BMPR1B: variants seen among roughly 807,000 people sequenced by gnomAD.
BMPR1B encodes bone morphogenetic protein receptor type 1B, also known as bone morphogenetic protein receptor type-1B.
In BMPR1B, 12 loss-of-function variants were observed where a neutral mutation model predicts 59.1. The observed-to-expected ratio is 0.20, with a 90% CI of 0.13 to 0.33. The LOEUF is 0.33. Among genes scored for constraint, BMPR1B ranks in the 10% least tolerant of loss-of-function variants. The pLI is 1.00. For synonymous variants in BMPR1B, 237 were observed against 207.3 expected (o/e 1.14, Z -1.23); for missense variants, 550 against 610.9 (o/e 0.90, Z 1.05).
At chr4:94,878,528 G>T (rs1003724454) in intron 2 of BMPR1B, among the ~76,000 whole-genome samples, 3 of 152,124 alleles carry the variant, frequency 2.0e-5, no homozygotes, top group African/African-American at 7.2e-5. Flanking sequence ...GGTAAACTAG[G>T]CTCCTCCTCA....
chr4:94,924,808 C>T (rs1055588648), intron 2 of BMPR1B, among the ~76,000 whole-genome samples: 1 of 152,060 alleles, frequency 6.6e-6, no homozygotes, highest in African/African-American at 2.4e-5. Context: ...ATTTGTTGAA[C>T]CACTGAATCA....
intron 1 of BMPR1B, among the ~76,000 whole-genome samples, chr4:94,799,022 G>A (rs78786197): frequency 0.011 from 1,679 of 151,594 alleles, 31 homozygotes; most frequent in African/African-American, 0.038. Context: ...GAGAATCCCA[G>A]GAGTGCGTTA....
chr4:94,809,852 A>G (rs1181907521), intron 1 of BMPR1B, among the ~76,000 whole-genome samples: 2 of 152,250 alleles, frequency 1.3e-5, no homozygotes, highest in Admixed American at 1.3e-4. Context: ...AGGCAAAAGT[A>G]GTAGAGTCCA....
intron 2 of BMPR1B, among the ~76,000 whole-genome samples, chr4:94,959,637 T>C (rs1057406107): frequency 1.3e-5 from 2 of 152,184 alleles, no homozygotes; most frequent in African/African-American, 2.4e-5. Flanking sequence ...AAATGTAATA[T>C]AAAATTTCAT....
chr4:95,140,007 G>T (rs552043874), intron 10 of BMPR1B, among the ~76,000 whole-genome samples: 1 of 152,296 alleles, frequency 6.6e-6, no homozygotes, highest in African/African-American at 2.4e-5. Context: ...CTCATCTTCT[G>T]CGTCGCTCAT....
At chr4:94,975,006 G>A (rs1578869904) in intron 2 of BMPR1B, among the ~76,000 whole-genome samples, 1 of 152,162 alleles carries the variant, frequency 6.6e-6, no homozygotes. Flanking sequence ...ATATAGCCAG[G>A]AAACCACTTC....
intron 3 of BMPR1B, among the ~76,000 whole-genome samples, chr4:95,003,553 A>G (rs1722602471): frequency 1.3e-5 from 2 of 152,162 alleles, no homozygotes; most frequent in Admixed American, 1.3e-4. Context: ...AGACCAAATA[A>G]TATAATCTGT....
At chr4:94,773,681 T>TA (rs1301370862) in intron 1 of BMPR1B, among the ~76,000 whole-genome samples, 5 of 152,056 alleles carry the variant, frequency 3.3e-5, no homozygotes, top group Non-Finnish European at 7.4e-5. Flanking sequence ...TTACCAGAGA[T>TA]AAAAAATACG....
At chr4:94,802,885 T>C (rs571996511) in intron 1 of BMPR1B, among the ~76,000 whole-genome samples, 1 of 152,316 alleles carries the variant, frequency 6.6e-6, no homozygotes, top group Admixed American at 6.5e-5. Context: ...AGTTATCTCA[T>C]GCTTTTTTGT....
At chr4:95,137,021 C>A (rs950637112) in intron 10 of BMPR1B, among the ~76,000 whole-genome samples, 1 of 152,144 alleles carries the variant, frequency 6.6e-6, no homozygotes, top group African/African-American at 2.4e-5. Context: ...AGTTTTAGAT[C>A]TTTCCTGCTT....
intron 1 of BMPR1B, among the ~76,000 whole-genome samples, chr4:94,764,493 C>T (rs1721894966): frequency 6.6e-6 from 1 of 152,118 alleles, no homozygotes; most frequent in Non-Finnish European, 1.5e-5. Flanking sequence ...CCACTACTGC[C>T]CACACCCTGT....
chr4:94,897,941 CTTTTT>C (rs869186341), intron 2 of BMPR1B, among the ~76,000 whole-genome samples: 4 of 90,330 alleles, frequency 4.4e-5, no homozygotes, highest in African/African-American at 1.3e-4. Context: ...AATTCTTTTC[CTTTTT>C]TTTTTTTTTT....
chr4:95,044,443 A>C (rs1027197244), intron 3 of BMPR1B, among the ~76,000 whole-genome samples: 3 of 152,154 alleles, frequency 2.0e-5, no homozygotes, highest in Non-Finnish European at 4.4e-5. Flanking sequence ...GTGAATACTT[A>C]AAGAAGGTCA....
chr4:94,968,783 A>T (rs542507130), intron 2 of BMPR1B, among the ~76,000 whole-genome samples: 1 of 152,170 alleles, frequency 6.6e-6, no homozygotes, highest in East Asian at 1.9e-4. Flanking sequence ...TTACACTCTT[A>T]TTTTGTGTTC....
At chr4:94,845,636 C>T (rs533115028) in intron 1 of BMPR1B, among the ~76,000 whole-genome samples, 1 of 152,330 alleles carries the variant, frequency 6.6e-6, no homozygotes, top group African/African-American at 2.4e-5. Context: ...GCCATCGTGC[C>T]TGGCCAACCA....
chr4:95,147,030 A>G lies in BMPR1B; in HGVS notation c.1077-1718A>G, dbSNP rs3796449. Reference sequence around the variant, plus strand: ...AAAAGATCCCAGAACACTGGGACCTATGTTTGCATATGGTAAAGAATACCA... The same window carrying G: ...AAAAGATCCCAGAACACTGGGACCTGTGTTTGCATATGGTAAAGAATACCA... On this transcript the variant is annotated intron_variant, in intron 10 of 12. Transcript: ENST00000515059. Among the ~76,000 whole-genome samples the G allele has an allele frequency of 1.9e-3, 292 of 152,190 alleles. 4 individuals carry two copies. In the East Asian group the frequency reaches 0.036, roughly 19 times the overall value.
chr4:95,007,692 T>G (rs548229178), intron 3 of BMPR1B, among the ~76,000 whole-genome samples: 4 of 152,324 alleles, frequency 2.6e-5, no homozygotes, highest in Non-Finnish European at 5.9e-5. Context: ...AGAATATGCA[T>G]TTTATACACA....
intron 3 of BMPR1B, among the ~76,000 whole-genome samples, chr4:95,086,509 G>A (rs1729588442): frequency 6.6e-6 from 1 of 152,140 alleles, no homozygotes; most frequent in Admixed American, 6.5e-5. Flanking sequence ...ACTTACATGT[G>A]TTGATATTGA....
chr4:94,833,192 C>CAAAAAA (rs60473542), intron 1 of BMPR1B, among the ~76,000 whole-genome samples: 3 of 133,030 alleles, frequency 2.3e-5, no homozygotes, highest in African/African-American at 5.6e-5. Flanking sequence ...GACTCTTTCT[C>CAAAAAA]AAAAAAAAAA....
Sources: allele counts gnomAD v4.1 joint callset (sites outside exome capture counted in the v4.1 genomes callset), GRCh38; gene constraint gnomAD v4.1.1; transcripts MANE v1.5; gene names NCBI Gene and HGNC (gene_info 2026-07-23, HGNC 2026-07-21).